IMMP2L: variants seen among roughly 807,000 people sequenced by gnomAD.
IMMP2L encodes the protein inner mitochondrial membrane peptidase subunit 2.
A neutral mutation model predicts 19.3 loss-of-function variants in IMMP2L; 18 were observed. That is an observed-to-expected ratio of 0.93 (90% CI 0.64 to 1.38). The LOEUF (loss-of-function observed/expected upper bound fraction) is 1.38, where lower values mean the gene tolerates loss of function less well. IMMP2L is among the 40% of genes most tolerant of loss of function. The pLI is 0.00. For synonymous variants in IMMP2L, 76 were observed against 73.0 expected, an observed-to-expected ratio of 1.04 and a Z score of -0.21; for missense variants, 233 against 218.2, an observed-to-expected ratio of 1.07 and a Z score of -0.43.
At chr7:110,950,463 A>G (rs115631305) in intron 4 of IMMP2L, among the ~76,000 whole-genome samples, 116 of 152,190 alleles carry the variant, frequency 7.6e-4, no homozygotes, top group African/African-American at 2.7e-3. Context: ...TATTCAGGGT[A>G]CACTGTTGGT....
chr7:111,053,119 T>C (rs1170448540), intron 3 of IMMP2L, among the ~76,000 whole-genome samples: 1 of 152,154 alleles, frequency 6.6e-6, no homozygotes, highest in Non-Finnish European at 1.5e-5. Flanking sequence ...TGAAAGTTTA[T>C]TAAAAAGCTT....
chr7:110,680,978 G>C (rs551921581), intron 5 of IMMP2L, among the ~76,000 whole-genome samples: 1 of 151,860 alleles, frequency 6.6e-6, no homozygotes, highest in East Asian at 1.9e-4. Flanking sequence ...CCCAAGCCTA[G>C]TTTTCGTTGC....
chr7:111,231,668 ATATGT>A (rs1240132480), intron 3 of IMMP2L, among the ~76,000 whole-genome samples: 1 of 152,044 alleles, frequency 6.6e-6, no homozygotes, highest in African/African-American at 2.4e-5. Context: ...AGAGCAACAC[ATATGT>A]TAGGGGCTTA....
chr7:110,792,892 T>C (rs1271169849), intron 5 of IMMP2L, among the ~76,000 whole-genome samples: 2 of 151,976 alleles, frequency 1.3e-5, no homozygotes, highest in African/African-American at 4.8e-5. Flanking sequence ...TGAAATCTTA[T>C]TCAGCCTTAA....
At chr7:111,300,006 G>C (rs989649304) in intron 3 of IMMP2L, among the ~76,000 whole-genome samples, 3 of 152,140 alleles carry the variant, frequency 2.0e-5, no homozygotes, top group Non-Finnish European at 4.4e-5. Context: ...TGGAATTACA[G>C]TAAAACTTAT....
In IMMP2L at chr7:111,457,968, C is replaced by T. The variant is rs537893993; in HGVS notation, c.239+29270G>A. 2.6e-4 allele frequency among the ~76,000 whole-genome samples: 39 copies of T among 150,156 alleles called. No individual in the cohort carries two copies. The South Asian group carries it at 4.7e-3, about 18-fold the overall frequency. The stretch of plus-strand genomic sequence containing the variant: ...TCTTGTCTTTGTATCAACAAATGTT[C>T]GAGTGCATTTTCATTGTATGACTAA... On this transcript the variant is annotated intron_variant, in intron 3 of 5. Coordinates refer to ENST00000405709, the MANE Select transcript of IMMP2L (RefSeq NM_032549.4).
chr7:110,758,968 C>T lies in IMMP2L; in HGVS notation c.409-95247G>A, dbSNP rs369131216. Among the ~76,000 whole-genome samples, 23 of 151,678 alleles carry T rather than the reference C, an allele frequency of 1.5e-4. No individual in the cohort carries two copies. The East Asian group carries it at 2.5e-3, about 17-fold the overall frequency. On this transcript the variant is annotated intron_variant, in intron 5 of 5. Coordinates refer to ENST00000405709, the MANE Select transcript of IMMP2L (RefSeq NM_032549.4). This position sits in a 1 kb window ranked among gnomAD's most constrained non-coding sequence, Gnocchi z 4.6. ...GGAGATCTTTTCACAGTCTGTTACC[C>T]GATTTTGTTAACCTTAAATTTCCTC...
At chr7:110,755,983 CAAACTTTATGCA>C (rs1182738342) in intron 5 of IMMP2L, among the ~76,000 whole-genome samples, 1 of 152,026 alleles carries the variant, frequency 6.6e-6, no homozygotes, top group African/African-American at 2.4e-5. Context: ...AGCCATTTAA[CAAACTTTATGCA>C]AAAAAGATGT....
chr7:111,482,505 G>A (rs926539241), intron 3 of IMMP2L, among the ~76,000 whole-genome samples: 12 of 151,982 alleles, frequency 7.9e-5, no homozygotes, highest in African/African-American at 2.7e-4. Context: ...TCTATAAACT[G>A]TGGCCATTTC....
At chr7:110,882,505 C>T (rs570710014) in intron 5 of IMMP2L, among the ~76,000 whole-genome samples, 3 of 151,912 alleles carry the variant, frequency 2.0e-5, no homozygotes, top group Admixed American at 6.6e-5. Flanking sequence ...CTCAGCCTCC[C>T]GAGTAGCTGA....
chr7:111,004,799 A>G (rs1223845455), intron 3 of IMMP2L, among the ~76,000 whole-genome samples: 1 of 152,176 alleles, frequency 6.6e-6, no homozygotes, highest in Non-Finnish European at 1.5e-5. Context: ...TGCTATGTGG[A>G]CGGTTTATTT....
chr7:110,777,086 T>C (rs1484436352), intron 5 of IMMP2L, among the ~76,000 whole-genome samples: 1 of 151,966 alleles, frequency 6.6e-6, no homozygotes, highest in Non-Finnish European at 1.5e-5. Flanking sequence ...AGGATAAAAG[T>C]AGTAAGAAAT....
At chr7:110,692,887 C>G (rs896346022) in intron 5 of IMMP2L, among the ~76,000 whole-genome samples, 1 of 152,154 alleles carries the variant, frequency 6.6e-6, no homozygotes, top group Non-Finnish European at 1.5e-5. Flanking sequence ...AAATCTTCAA[C>G]TGTTCAGCAA....
chr7:111,475,247 A>AT (rs932722923), intron 3 of IMMP2L, among the ~76,000 whole-genome samples: 10 of 152,002 alleles, frequency 6.6e-5, no homozygotes, highest in African/African-American at 9.7e-5. Flanking sequence ...GAAATAAACA[A>AT]TTTTTTTAAA....
chr7:110,980,224 C>CTTTT (rs1821130110), intron 3 of IMMP2L, among the ~76,000 whole-genome samples: 1 of 61,298 alleles, frequency 1.6e-5, no homozygotes, highest in African/African-American at 6.3e-5. Flanking sequence ...ATTTGTGCTG[C>CTTTT]TTCTTTTTTT....
intron 3 of IMMP2L, among the ~76,000 whole-genome samples, chr7:111,361,422 C>T (rs182761159): frequency 1.3e-5 from 2 of 152,160 alleles, no homozygotes; most frequent in East Asian, 3.9e-4. Flanking sequence ...CTTACTAATT[C>T]AATTATCTGG....
intron 3 of IMMP2L, among the ~76,000 whole-genome samples, chr7:111,298,259 C>G (rs1293902420): frequency 6.6e-6 from 1 of 152,048 alleles, no homozygotes; most frequent in Non-Finnish European, 1.5e-5. Context: ...AACCAGACAG[C>G]CTCAGCTGAA....
intron 3 of IMMP2L, among the ~76,000 whole-genome samples, chr7:111,212,952 G>A (rs1018469163): frequency 2.0e-5 from 3 of 152,294 alleles, no homozygotes; most frequent in Non-Finnish European, 4.4e-5. Flanking sequence ...TAGAGCAGAG[G>A]CTGCCATGAC....
chr7:111,072,894 C>T (rs1438251342), intron 3 of IMMP2L, among the ~76,000 whole-genome samples: 5 of 138,914 alleles, frequency 3.6e-5, no homozygotes, highest in Admixed American at 7.5e-5. Flanking sequence ...CAGAGCAAGA[C>T]TGTCTCCAAA....
Sources: gnomAD v4.1 joint callset for allele counts (sites outside exome capture counted in the v4.1 genomes callset) on GRCh38, gnomAD v4.1.1 for gene constraint, Gnocchi (gnomAD v3.1) non-coding constraint, MANE v1.5 for transcripts, NCBI Gene and HGNC (gene_info 2026-07-23, HGNC 2026-07-21) for gene names.